The following ZBTB20 variants were observed in gnomAD, a reference collection of about 807,000 sequenced individuals.
ZBTB20 encodes the protein zinc finger and BTB domain-containing protein 20.
Under a neutral mutation model 56.9 loss-of-function variants are expected in ZBTB20, and 9 were observed. That is an observed-to-expected ratio of 0.16 (90% CI 0.10 to 0.28). The LOEUF (loss-of-function observed/expected upper bound fraction) is 0.28, where lower values mean the gene tolerates loss of function less well. ZBTB20 is among the 10% of genes least tolerant of loss of function. The probability of loss-of-function intolerance (pLI) is 1.00; values close to 1 mark genes in which losing one functional copy is unlikely to be tolerated. For missense variants in ZBTB20, 655 were observed against 1,003.0 expected, an observed-to-expected ratio of 0.65 and a Z score of 4.69; for synonymous variants, 417 against 420.7, an observed-to-expected ratio of 0.99 and a Z score of 0.11.
intron 6 of ZBTB20, among the ~76,000 whole-genome samples, chr3:114,590,521 T>A (rs200598950): frequency 4.5e-4 from 8 of 17,912 alleles, no homozygotes; most frequent in Non-Finnish European, 1.9e-3. Context: ...TAAAAATAAA[T>A]AAAAAATAAA....
intron 10 of ZBTB20, among the ~76,000 whole-genome samples, chr3:114,368,430 C>T (rs1467487696): frequency 6.6e-6 from 1 of 152,168 alleles, no homozygotes; most frequent in Non-Finnish European, 1.5e-5. Flanking sequence ...ATCGGAGGGA[C>T]CCGAGAGGAC....
At chr3:115,024,356 CAATATAAATTGATAA>C (rs1371094004) in intron 2 of ZBTB20, among the ~76,000 whole-genome samples, 1 of 150,910 alleles carries the variant, frequency 6.6e-6, no homozygotes, top group Non-Finnish European at 1.5e-5. Context: ...AACATAACTG[CAATATAAATTGATAA>C]GGCCCATAAT....
At chr3:114,404,133 TA>T (rs1160633455) in intron 7 of ZBTB20, among the ~76,000 whole-genome samples, 1 of 152,228 alleles carries the variant, frequency 6.6e-6, no homozygotes, top group East Asian at 1.9e-4. Flanking sequence ...ATACTGAAGC[TA>T]TTTTTCCTTG....
At chr3:115,041,819 G>A (rs1052983798) in intron 2 of ZBTB20, among the ~76,000 whole-genome samples, 6 of 152,108 alleles carry the variant, frequency 3.9e-5, no homozygotes, top group African/African-American at 9.7e-5. Flanking sequence ...AAAATTAGAC[G>A]CAAAAGTTTG....
intron 3 of ZBTB20, among the ~76,000 whole-genome samples, chr3:114,971,956 A>C (rs992030016): frequency 6.6e-6 from 1 of 152,236 alleles, no homozygotes; most frequent in Non-Finnish European, 1.5e-5. Flanking sequence ...GAGCCAGCTA[A>C]GGGAGATTCA....
intron 7 of ZBTB20, among the ~76,000 whole-genome samples, chr3:114,403,908 G>A (rs1395440683): frequency 2.6e-5 from 4 of 152,052 alleles, no homozygotes; most frequent in Non-Finnish European, 5.9e-5. Flanking sequence ...AACTTCTCTC[G>A]AGTCTCATTT....
intron 6 of ZBTB20, among the ~76,000 whole-genome samples, chr3:114,513,734 C>T (rs2045666316): frequency 2.0e-5 from 3 of 152,088 alleles, no homozygotes; most frequent in Admixed American, 6.6e-5. Context: ...TAAGGGAACT[C>T]GGGAAAAGAA....
At chr3:115,071,827 G>C (rs545038805) in intron 1 of ZBTB20, among the ~76,000 whole-genome samples, 5 of 152,098 alleles carry the variant, frequency 3.3e-5, no homozygotes, top group Non-Finnish European at 7.4e-5. Flanking sequence ...AATGCCTGCT[G>C]CTGCTGCCGA....
At chr3:115,111,492 A>G (rs994553265) in intron 1 of ZBTB20, among the ~76,000 whole-genome samples, 3 of 152,046 alleles carry the variant, frequency 2.0e-5, no homozygotes, top group African/African-American at 7.2e-5. Flanking sequence ...ACTTTTGTCT[A>G]AAGTAATTAA....
At chr3:115,070,251 G>T (rs1164568265) in intron 2 of ZBTB20, among the ~76,000 whole-genome samples, 1 of 152,074 alleles carries the variant, frequency 6.6e-6, no homozygotes, top group African/African-American at 2.4e-5. Context: ...ACTGCAATTT[G>T]TTTTAGCAAC....
At chr3:114,354,587 GT>G (rs10663657) in intron 10 of ZBTB20, among the ~76,000 whole-genome samples, 7 of 130,146 alleles carry the variant, frequency 5.4e-5, no homozygotes, top group Non-Finnish European at 6.3e-5. Context: ...TGTTTTGTTT[GT>G]TTTTTTTTTT....
intron 5 of ZBTB20, among the ~76,000 whole-genome samples, chr3:114,753,623 G>A (rs1426991776): frequency 6.6e-6 from 1 of 151,518 alleles, no homozygotes; most frequent in Non-Finnish European, 1.5e-5. Flanking sequence ...TAATAGAGAC[G>A]GGGTTTTGCC....
chr3:114,931,353 A>G, intron 3 of ZBTB20: 1 of 237,656 alleles, frequency 4.2e-6, no homozygotes, highest in Non-Finnish European at 8.4e-6. Flanking sequence ...CCAATTATCT[A>G]TGTAGACTCC....
At chr3:114,867,243 C>G (rs764136781) in intron 4 of ZBTB20, among the ~76,000 whole-genome samples, 13 of 152,028 alleles carry the variant, frequency 8.6e-5, no homozygotes, top group Non-Finnish European at 1.6e-4. Flanking sequence ...TAAGAGATGG[C>G]AGGAAAACCA....
At chr3:114,903,999 G>A (rs777532328) in intron 3 of ZBTB20, among the ~76,000 whole-genome samples, 1 of 152,032 alleles carries the variant, frequency 6.6e-6, no homozygotes, top group Non-Finnish European at 1.5e-5. Flanking sequence ...CACAGATCCT[G>A]AGTTGTTAAG....
intron 10 of ZBTB20, among the ~76,000 whole-genome samples, chr3:114,371,386 G>A (rs1319544388): frequency 6.6e-6 from 1 of 152,242 alleles, no homozygotes; most frequent in African/African-American, 2.4e-5. Flanking sequence ...GTAGTGACAG[G>A]CACAAAAGAT....
intron 6 of ZBTB20, among the ~76,000 whole-genome samples, chr3:114,598,574 T>C (rs1159275541): frequency 1.3e-5 from 2 of 152,012 alleles, no homozygotes; most frequent in Non-Finnish European, 2.9e-5. Flanking sequence ...TTTTGATGTA[T>C]TTGGGGAAAA....
intron 6 of ZBTB20, among the ~76,000 whole-genome samples, chr3:114,626,481 C>T (rs565328869): frequency 3.0e-4 from 45 of 152,116 alleles, no homozygotes; most frequent in African/African-American, 1.0e-3. Flanking sequence ...TATAAGTATC[C>T]AGTGAAAGAA....
chr3:114,512,939 A>T (rs1477981115), intron 6 of ZBTB20, among the ~76,000 whole-genome samples: 1 of 152,124 alleles, frequency 6.6e-6, no homozygotes, highest in Non-Finnish European at 1.5e-5. Context: ...AAGTAATCTC[A>T]ATCTCAGAGA....
Sources: allele counts gnomAD v4.1 joint callset (sites outside exome capture counted in the v4.1 genomes callset), GRCh38; gene constraint gnomAD v4.1.1; transcripts MANE v1.5; gene names NCBI Gene and HGNC (gene_info 2026-07-23, HGNC 2026-07-21).